PDZD2: variants seen among roughly 807,000 people sequenced by gnomAD.
PDZD2 encodes PDZ domain containing 2.
Under a neutral mutation model 220.7 loss-of-function variants are expected in PDZD2, and 90 were observed. The ratio of observed to expected loss-of-function variants is 0.41; its 90% CI spans 0.34 to 0.49. PDZD2 has a LOEUF of 0.49. PDZD2 is among the 20% of genes least tolerant of loss of function. The pLI is 0.28. For synonymous variants in PDZD2, 1,375 were observed against 1,450.5 expected (o/e 0.95, Z 1.18); for missense variants, 3,174 against 3,608.5 (o/e 0.88, Z 3.08).
intron 2 of PDZD2, among the ~76,000 whole-genome samples, chr5:31,897,065 G>A (rs1280019253): frequency 1.3e-5 from 2 of 151,104 alleles, no homozygotes; most frequent in Non-Finnish European, 2.9e-5. Context: ...ATGTAGGGTG[G>A]GGATCTGGTG....
chr5:32,064,544 C>G (rs1384807489), intron 14 of PDZD2, among the ~76,000 whole-genome samples: 1 of 152,100 alleles, frequency 6.6e-6, no homozygotes, highest in East Asian at 1.9e-4. Flanking sequence ...CGCCCGGCCT[C>G]AATCCACTTT....
At chr5:31,992,068 CT>C (rs1160631016) in intron 3 of PDZD2, among the ~76,000 whole-genome samples, 1 of 152,048 alleles carries the variant, frequency 6.6e-6, no homozygotes, top group Non-Finnish European at 1.5e-5. Context: ...AAAAAAACTG[CT>C]AACATTTACT....
At chr5:31,812,482 A>G (rs1226353214) in intron 2 of PDZD2, among the ~76,000 whole-genome samples, 4 of 151,580 alleles carry the variant, frequency 2.6e-5, no homozygotes, top group African/African-American at 9.7e-5. Flanking sequence ...TCTGTCCCCC[A>G]GGCTGAAGTG....
At chr5:31,694,317 A>G (rs749260190) in intron 1 of PDZD2, among the ~76,000 whole-genome samples, 1 of 152,098 alleles carries the variant, frequency 6.6e-6, no homozygotes, top group Non-Finnish European at 1.5e-5. Flanking sequence ...ATTTGAACCC[A>G]AGAGGCGGAG....
intron 2 of PDZD2, chr5:31,847,732 A>G (rs891195696): frequency 1.8e-5 from 11 of 597,730 alleles, no homozygotes; most frequent in Non-Finnish European, 3.5e-5. Context: ...TACCACTGAC[A>G]ATACAGTTTT....
intron 1 of PDZD2, among the ~76,000 whole-genome samples, chr5:31,657,910 C>G (rs1157398378): frequency 6.6e-6 from 1 of 152,170 alleles, no homozygotes; most frequent in Non-Finnish European, 1.5e-5. Flanking sequence ...CCTACTCTTT[C>G]CAGCCCATAC....
rs545338929 is a variant in PDZD2, at chr5:31,996,797, C to A, written c.1121+1079C>A. 3.9e-5 allele frequency among the ~76,000 whole-genome samples: 6 copies of A among 152,322 alleles called. No homozygotes were observed. The East Asian group carries it at 1.2e-3, about 29-fold the overall frequency. On this transcript the variant is annotated intron_variant, in intron 4 of 24. Coordinates refer to ENST00000438447, the MANE Select transcript of PDZD2 (RefSeq NM_178140.4). ...TCAGGAGACTCAGGTGGGAGGATCA[C>A]TTGAGCCCGGGAGATCGAAGCTGCA...
intron 1 of PDZD2, among the ~76,000 whole-genome samples, chr5:31,796,566 C>T (rs753894908): frequency 6.6e-6 from 1 of 152,100 alleles, no homozygotes; most frequent in Non-Finnish European, 1.5e-5. Context: ...GGGGAAGAAC[C>T]CTGATTGTCC....
In PDZD2 at chr5:31,880,791, CTTTTTTTTTTT is replaced by C. The variant is rs1037018187; in HGVS notation, c.476+81084_476+81094del. On this transcript the variant is annotated intron_variant, in intron 2 of 24. Transcript: ENST00000438447. ...AGAAAGGTAGCTTTCTTTTTTTTTT[CTTTTTTTTTTT>C]TTTTTTTTTTTTTTTTGAGATGAAG... Among the ~76,000 whole-genome samples, 27 of 76,484 alleles carry C rather than the reference CTTTTTTTTTTT, an allele frequency of 3.5e-4. 1 individual carries two copies. The highest frequency in any genetic ancestry group is 8.7e-4 in the Admixed American group (6 of 6,902). The allele number at this position is 76,484 out of a possible 152,430, so 50.2% of individuals were successfully genotyped here.
intron 2 of PDZD2, among the ~76,000 whole-genome samples, chr5:31,905,173 G>A (rs1742532981): frequency 1.3e-5 from 2 of 152,034 alleles, no homozygotes; most frequent in Non-Finnish European, 2.9e-5. Context: ...TAGAGAGGAG[G>A]TTTCACCATG....
At chr5:32,025,591 CTTTTTTT>C (rs70957998) in intron 6 of PDZD2, among the ~76,000 whole-genome samples, 77 of 67,520 alleles carry the variant, frequency 1.1e-3, no homozygotes, top group African/African-American at 4.1e-3. Flanking sequence ...AACCATGATG[CTTTTTTT>C]TTTTTTTTTT....
intron 2 of PDZD2, among the ~76,000 whole-genome samples, chr5:31,830,385 C>T (rs1351419685): frequency 6.8e-6 from 1 of 147,438 alleles, no homozygotes; most frequent in African/African-American, 2.6e-5. Flanking sequence ...ACCGTGTTAG[C>T]CAGGATGGTC....
At position 31,653,878 on chromosome 5, in the gene PDZD2, A is replaced by G. The variant is rs375504725; in HGVS notation, c.-361+14441A>G. Among the ~76,000 whole-genome samples the G allele has an allele frequency of 2.6e-5, 4 of 152,188 alleles. No homozygotes were observed. The East Asian group carries it at 5.8e-4, about 22-fold the overall frequency. ...CAGCTCACTGCAACCTCCACCTCCCAGGTTCAAGCGATTCTCCTGCCTCAG... is the reference window on the plus strand; with the variant it reads ...CAGCTCACTGCAACCTCCACCTCCCGGGTTCAAGCGATTCTCCTGCCTCAG... On this transcript the variant is annotated intron_variant, in intron 1 of 24. Coordinates refer to ENST00000438447, the MANE Select transcript of PDZD2 (RefSeq NM_178140.4).
In PDZD2 at chr5:32,101,085, G is replaced by C. The variant is rs761204384; in HGVS notation, c.8219-20G>C. The C allele has an allele frequency of 2.5e-6, 4 of 1,614,060 alleles. No homozygotes were observed. Among genetic ancestry groups the C allele is most frequent in the Non-Finnish European group, 3.4e-6 (4 of 1,179,962 alleles). On this transcript the variant is annotated intron_variant, in intron 23 of 24. Transcript: ENST00000438447. ...TGAACAACCCTGTCATTTTCATCTT[G>C]GTGCACGCTGCGGCTGCAGGGAGAA...
chr5:32,107,878 T>A, intron 24 of PDZD2, 91 bp from the exon 25 acceptor site: 1 of 720,128 alleles, frequency 1.4e-6, no homozygotes, highest in Non-Finnish European at 2.3e-6. Flanking sequence ...TATTTAGATA[T>A]TTTTATCACT....
chr5:31,815,023 A>C (rs1755348070), intron 2 of PDZD2, among the ~76,000 whole-genome samples: 1 of 151,682 alleles, frequency 6.6e-6, no homozygotes, highest in African/African-American at 2.4e-5. Flanking sequence ...TGGGTGGATC[A>C]CCTGAGATCA....
At position 32,089,408 on chromosome 5, in the gene PDZD2, C is replaced by T; in HGVS notation, c.5960C>T (p.Thr1987Ile). 1 of 1,614,050 alleles carries T rather than the reference C, an allele frequency of 6.2e-7. No individual in the cohort carries two copies. Among genetic ancestry groups the T allele is most frequent in the Non-Finnish European group, 8.5e-7 (1 of 1,180,036 alleles). ...ATCAGGACATTTGTCTCGCCCCTGA[C>T]CTCTCCCAAGCCTGTTCCTGAGCAA... Reference protein sequence around the residue: ...TSIRTFVSPLTSPKPVPEQGM... With the variant: ...TSIRTFVSPLISPKPVPEQGM... Residue 1987 changes from threonine (T) to isoleucine (I), a missense_variant, in exon 20 of 25, where the codon ACC becomes ATC. Transcript: ENST00000438447.
Position 32,057,500 on chromosome 5 carries a change from T to C in PDZD2, c.1901-155T>C, listed in dbSNP as rs551705108. Among the ~76,000 whole-genome samples the C allele has an allele frequency of 2.0e-5, 3 of 152,390 alleles. No individual in the cohort carries two copies. In the East Asian group the frequency reaches 5.8e-4, roughly 29 times the overall value. On this transcript the variant is annotated intron_variant, in intron 10 of 24. Transcript: ENST00000438447. ...TGTGTTGTCATTAATTGTCCCATTT[T>C]GTGACATTCCTGGGAGCTAAGCTAA...
At chr5:31,702,459 A>G (rs553097028) in intron 1 of PDZD2, among the ~76,000 whole-genome samples, 9 of 152,312 alleles carry the variant, frequency 5.9e-5, no homozygotes, top group Admixed American at 5.2e-4. Context: ...GTGCCCATAC[A>G]GTTCCCAAGG....
Sources: gnomAD v4.1 joint callset for allele counts (sites outside exome capture counted in the v4.1 genomes callset) on GRCh38, gnomAD v4.1.1 for gene constraint, MANE v1.5 for transcripts, NCBI Gene and HGNC (gene_info 2026-07-23, HGNC 2026-07-21) for gene names.